IGDCC4: variants seen among roughly 807,000 people sequenced by gnomAD.
IGDCC4 encodes likely ortholog of mouse neighbor of Punc E11.
A neutral mutation model predicts 116.6 loss-of-function variants in IGDCC4; 72 were observed. The ratio of observed to expected loss-of-function variants is 0.62; its 90% CI spans 0.51 to 0.75. The LOEUF (loss-of-function observed/expected upper bound fraction) is 0.75, where lower values mean the gene tolerates loss of function less well. IGDCC4 is among the 30% of genes least tolerant of loss of function. The probability of loss-of-function intolerance (pLI) is 0.00; values close to 1 mark genes in which losing one functional copy is unlikely to be tolerated. For synonymous variants in IGDCC4, 709 were observed against 719.9 expected (o/e 0.98, Z 0.24); for missense variants, 1,501 against 1,662.4 (o/e 0.90, Z 1.69).
In IGDCC4 at chr15:65,393,453, C is replaced by T. The variant is rs755223492; in HGVS notation, c.1793G>A (p.Arg598Gln). 22 of 1,613,642 alleles carry T rather than the reference C, an allele frequency of 1.4e-5. No individual in the cohort carries two copies. The East Asian group carries it at 2.5e-4, about 18-fold the overall frequency. ...LNSLQPNKVY[R>Q]VRISAGTAAG... ...TGCTGTACCAGCCGAAATCCGTACT[C>T]GATACACCTTGTTTGGCTGAAGCGA... is the stretch of plus-strand genomic sequence containing the variant. Residue 598 changes from arginine to glutamine, a missense_variant, in exon 10 of 20, where the codon CGA (arginine) becomes CAA (glutamine). Physicochemically the swap from Arg to Gln is conservative, Grantham distance 43 (BLOSUM62 1). Transcript: ENST00000352385. This position sits in a 1 kb window ranked among gnomAD's most constrained non-coding sequence, Gnocchi z 4.6.
Position 65,385,863 on chromosome 15 carries a change from C to T in IGDCC4, c.3148G>A (p.Val1050Ile). 1 of 1,612,822 alleles carries T rather than the reference C, an allele frequency of 6.2e-7. No individual in the cohort carries two copies. The highest frequency in any genetic ancestry group is 8.5e-7 in the Non-Finnish European group (1 of 1,180,034). ...AEVHSLMGGG[V>I]SEGRSHSKRK... ...TTGGAGTGACTCCGGCCTTCAGAAACACCGCCACCCATAAGGCTGTGCACT... is the reference window on the plus strand; with the variant it reads ...TTGGAGTGACTCCGGCCTTCAGAAATACCGCCACCCATAAGGCTGTGCACT... Residue 1050 changes from valine (V) to isoleucine (I), a missense_variant, in exon 18 of 20, where the codon GTT (valine) becomes ATT (isoleucine). Coordinates refer to ENST00000352385, the MANE Select transcript of IGDCC4 (RefSeq NM_020962.3).
Position 65,422,796 on chromosome 15 carries a change from G to T in IGDCC4, c.67C>A (p.Arg23Ser). The change falls in exon 1 of 20, where the codon CGC (arginine) becomes AGC (serine). Residue 23 changes from arginine to serine, a missense_variant. Transcript: ENST00000352385. ...LALTFCLLAA[R>S]GELLLPQETT... ...CTCTCCGGGCGCCCGCCCTTACCGC[G>T]CGCGGCCAACAGGCAGAAGGTCAAC... 1 of 1,321,024 alleles carries T rather than the reference G, an allele frequency of 7.6e-7. No individual in the cohort carries two copies. The highest frequency in any genetic ancestry group is 1.9e-5 in the South Asian group (1 of 52,914). The allele number at this position is 1,321,024 out of a possible 1,614,324, so 81.8% of individuals were successfully genotyped here.
chr15:65,385,794 A>C, intron 18 of IGDCC4, 37 bp downstream of exon 18: 1 of 1,533,336 alleles, frequency 6.5e-7, no homozygotes, highest in Non-Finnish European at 9.0e-7. Flanking sequence ...CTGGTGTCCT[A>C]TTTAGAAAAG....
intron 6 of IGDCC4, 153 bp from the exon 7 acceptor site, chr15:65,396,316 G>A (rs757003090): frequency 7.2e-6 from 6 of 829,392 alleles, no homozygotes; most frequent in Non-Finnish European, 9.8e-6. Flanking sequence ...AAACTACTCC[G>A]GCTCAGCGCA....
chr15:65,385,413 G>C lies in IGDCC4; in HGVS notation c.3181-298C>G, dbSNP rs1175315806. 1.1e-5 allele frequency: 6 copies of C among 529,360 alleles called. No homozygotes were observed. The African/African-American group carries it at 1.2e-4, about 10-fold the overall frequency. The allele number at this position is 529,360 out of a possible 1,614,324, so 32.8% of individuals were successfully genotyped here. On this transcript the variant is annotated intron_variant, in intron 18 of 19. Coordinates refer to ENST00000352385, the MANE Select transcript of IGDCC4 (RefSeq NM_020962.3). ...GACGGGTCGGAGTTGGGTGGGATGT[G>C]CCGCCCCTGCCAGCATGAAAGGGAC...
intron 3 of IGDCC4, among the ~76,000 whole-genome samples, chr15:65,408,517 C>CA (rs1279240459): frequency 6.6e-6 from 1 of 152,144 alleles, no homozygotes. Flanking sequence ...GGCTCCTGGG[C>CA]AAACGAGCCT....
At chr15:65,397,313 T>C (rs1376229556) in intron 5 of IGDCC4, among the ~76,000 whole-genome samples, 5 of 152,176 alleles carry the variant, frequency 3.3e-5, no homozygotes, top group African/African-American at 7.2e-5. Flanking sequence ...AAGGACATGC[T>C]CCTTCCCTGG....
chr15:65,396,773 C>G, intron 6 of IGDCC4, 61 bp downstream of exon 6: 2 of 1,534,170 alleles, frequency 1.3e-6, no homozygotes, highest in South Asian at 2.4e-5. Context: ...GTCCACCTCC[C>G]CCTGCTCTAT....
Position 65,393,598 on chromosome 15 carries a change from A to C in IGDCC4, c.1715-67T>G. The C allele has an allele frequency of 8.9e-6, 13 of 1,466,342 alleles. No homozygotes were observed. The highest frequency in any genetic ancestry group is 2.4e-5 in the East Asian group (1 of 42,400). The allele number at this position is 1,466,342 out of a possible 1,614,324, so 90.8% of individuals were successfully genotyped here. Reference sequence around the variant, plus strand: ...GGAACAGGATCCTAAACCCCCCTACATGGCTCTTCCGCCTCACATCCCGGT... The same window carrying C: ...GGAACAGGATCCTAAACCCCCCTACCTGGCTCTTCCGCCTCACATCCCGGT... On this transcript the variant is annotated intron_variant, in intron 9 of 19. Coordinates refer to ENST00000352385, the MANE Select transcript of IGDCC4 (RefSeq NM_020962.3). This position sits in a 1 kb window ranked among gnomAD's most constrained non-coding sequence, Gnocchi z 4.6.
chr15:65,401,060 T>C, intron 4 of IGDCC4, 114 bp from the exon 5 acceptor site: 3 of 1,324,218 alleles, frequency 2.3e-6, no homozygotes, highest in Non-Finnish European at 3.2e-6. Flanking sequence ...CAGCAATGAT[T>C]CCATCTGTCA....
In IGDCC4 at chr15:65,392,232, T is replaced by C. The variant is rs749569868; in HGVS notation, c.2024A>G (p.Asn675Ser). ...ACGGCCCCCTGGCAGGCGATCGCCA[T>C]TGGCCTCCTCCTCAGCCCCCACCTC... is the stretch of plus-strand genomic sequence containing the variant. ...WREVGAEEEANGDRLPGGRGD... is the reference protein window; with the variant it reads ...WREVGAEEEASGDRLPGGRGD... The change falls in exon 11 of 20, where the codon AAT (asparagine) becomes AGT (serine). Residue 675 changes from asparagine (N) to serine (S), a missense_variant. Asn to Ser is a conservative substitution (Grantham distance 46). Coordinates refer to ENST00000352385, the MANE Select transcript of IGDCC4 (RefSeq NM_020962.3). 5 of 1,613,708 alleles carry C rather than the reference T, an allele frequency of 3.1e-6. No individual in the cohort carries two copies. The Admixed American group carries it at 5.0e-5, about 16-fold the overall frequency.
rs754193183 is a variant in IGDCC4, at chr15:65,395,303, C to T, written c.1412-45G>A. Reference sequence around the variant, plus strand: ...GGGGACTGTCATAGTGCCACCCCCCCGTGCTGGCTAGCTGGAGTCTGTATA... The same window carrying T: ...GGGGACTGTCATAGTGCCACCCCCCTGTGCTGGCTAGCTGGAGTCTGTATA... On this transcript the variant is annotated intron_variant, in intron 7 of 19. Transcript: ENST00000352385. 5 of 1,575,642 alleles carry T rather than the reference C, an allele frequency of 3.2e-6. No individual in the cohort carries two copies. In the South Asian group the frequency reaches 4.6e-5, roughly 15 times the overall value.
At chr15:65,404,797 G>C (rs1278614878) in intron 3 of IGDCC4, among the ~76,000 whole-genome samples, 1 of 152,106 alleles carries the variant, frequency 6.6e-6, no homozygotes, top group Non-Finnish European at 1.5e-5. Flanking sequence ...ATCTTTTCTG[G>C]CCGGGCTTTT....
At chr15:65,389,465 C>T (rs1211049775) in intron 13 of IGDCC4, 54 bp from the exon 14 acceptor site, 1 of 1,612,396 alleles carries the variant, frequency 6.2e-7, no homozygotes, top group Non-Finnish European at 8.5e-7. Flanking sequence ...CCCAGCAGGG[C>T]AGACTCCTCC....
Position 65,383,870 on chromosome 15 carries a change from C to T in IGDCC4, c.*139G>A, listed in dbSNP as rs1244589692. ...GTGAATAATCCATGTTTTCCTCTCC[C>T]CTCAGCCAAAGCAACTTAGGAAGCT... On this transcript the variant is annotated 3_prime_UTR_variant, in exon 20 of 20. Transcript: ENST00000352385. The T allele has an allele frequency of 6.8e-6, 5 of 731,882 alleles. No homozygotes were observed. The highest frequency in any genetic ancestry group is 8.5e-6 in the Non-Finnish European group (4 of 472,190). 45.3% of individuals were successfully genotyped at this position (731,882 alleles called of 1,614,324 possible). A position where few individuals can be genotyped will look rare whatever the true frequency, so the allele number is the denominator to read the frequency against.
chr15:65,418,802 T>TGGGAGAGAATAGAAAGAGGTGG (rs2063165839), intron 1 of IGDCC4, among the ~76,000 whole-genome samples: 1 of 151,810 alleles, frequency 6.6e-6, no homozygotes, highest in Non-Finnish European at 1.5e-5. Flanking sequence ...TGCTGTACCA[T>TGGGAGAGAATAGAAAGAGGTGG]GGGAGAGAAT....
chr15:65,400,209 T>C (rs758012477), intron 5 of IGDCC4, among the ~76,000 whole-genome samples: 1 of 152,230 alleles, frequency 6.6e-6, no homozygotes, highest in Non-Finnish European at 1.5e-5. Flanking sequence ...TCAGTGGCAC[T>C]TCTCACTTGT....
At chr15:65,385,755 C>T (rs1000418513) in intron 18 of IGDCC4, 76 bp downstream of exon 18, 56 of 1,202,692 alleles carry the variant, frequency 4.7e-5, no homozygotes, top group Non-Finnish European at 6.9e-5. Flanking sequence ...GCCATGCTCG[C>T]ATAGCCACGC....
chr15:65,385,611 C>A (rs16948696), intron 18 of IGDCC4: 2 of 627,372 alleles, frequency 3.2e-6, no homozygotes, highest in Admixed American at 2.6e-5. Context: ...CTGGGAGGCC[C>A]TTTCCTTCGT....
Sources: allele counts gnomAD v4.1 joint callset (sites outside exome capture counted in the v4.1 genomes callset), GRCh38; gene constraint gnomAD v4.1.1; non-coding constraint Gnocchi (gnomAD v3.1); transcripts MANE v1.5; gene names NCBI Gene and HGNC (gene_info 2026-07-23, HGNC 2026-07-21).